The following SMARCA2 variants were observed in gnomAD, a reference collection of about 807,000 sequenced individuals.
SMARCA2 encodes SWI/SNF-related matrix-associated actin-dependent regulator of chromatin subfamily A member 2.
Under a neutral mutation model 199.8 loss-of-function variants are expected in SMARCA2, and 61 were observed. The ratio of observed to expected loss-of-function variants is 0.31; its 90% CI spans 0.25 to 0.38. SMARCA2 has a LOEUF of 0.38. Among genes scored for constraint, SMARCA2 ranks in the 10% least tolerant of loss-of-function variants. The probability of loss-of-function intolerance (pLI) is 1.00; values close to 1 mark genes in which losing one functional copy is unlikely to be tolerated. For missense variants in SMARCA2, 1,344 were observed against 2,012.2 expected, an observed-to-expected ratio of 0.67 and a Z score of 6.35; for synonymous variants, 935 against 732.0, an observed-to-expected ratio of 1.28 and a Z score of -4.48.
chr9:2,096,500 C>T (rs1381081641), intron 19 of SMARCA2, 157 bp from the exon 20 acceptor site: 1 of 597,974 alleles, frequency 1.7e-6, no homozygotes, highest in Non-Finnish European at 3.0e-6. Context: ...ACTCTGGTCT[C>T]TTCTAACACC....
chr9:2,106,035 C>CATGTGACT (rs555298038), intron 23 of SMARCA2, among the ~76,000 whole-genome samples: 15 of 152,320 alleles, frequency 9.8e-5, no homozygotes, highest in African/African-American at 2.2e-4. Flanking sequence ...ATAGTCACAA[C>CATGTGACT]AGCTAACATG....
intron 17 of SMARCA2, among the ~76,000 whole-genome samples, chr9:2,084,885 C>G (rs530813994): frequency 6.6e-6 from 1 of 152,266 alleles, no homozygotes; most frequent in South Asian, 2.1e-4. Context: ...ATCTTGTCTT[C>G]TAATACGTTC....
Position 2,170,414 on chromosome 9 carries a change from C to T in SMARCA2, c.4200-5C>T, listed in dbSNP as rs375293068. The T allele has an allele frequency of 2.4e-5, 39 of 1,613,898 alleles. No individual in the cohort carries two copies. The highest frequency in any genetic ancestry group is 1.6e-4 in the Middle Eastern group (1 of 6,082). ...GACTCTAGTGTTCTTTCTACTCTACCGCAGGTGTAACGTGGAGAAGGTGCC... is the reference window on the plus strand; with the variant it reads ...GACTCTAGTGTTCTTTCTACTCTACTGCAGGTGTAACGTGGAGAAGGTGCC... On this transcript the variant is annotated splice_polypyrimidine_tract_variant and splice_region_variant and intron_variant, in intron 28 of 33. Transcript: ENST00000349721. This position sits in a 1 kb window ranked among gnomAD's most constrained non-coding sequence, Gnocchi z 4.7.
Position 2,078,306 on chromosome 9 carries a change from T to A in SMARCA2, c.2184+530T>A, listed in dbSNP as rs528782728. ...GGCCAACATGGTGAAACCCTCTCTC[T>A]ACTAAAAATACAAAAATTAGCTGGG... On this transcript the variant is annotated intron_variant, in intron 14 of 33. Coordinates refer to ENST00000349721, the MANE Select transcript of SMARCA2 (RefSeq NM_003070.5). 9.2e-5 allele frequency among the ~76,000 whole-genome samples: 14 copies of A among 152,126 alleles called. No individual in the cohort carries two copies. The South Asian group carries it at 2.7e-3, about 29-fold the overall frequency.
chr9:2,177,826 A>T (rs530629036), intron 29 of SMARCA2, among the ~76,000 whole-genome samples: 1 of 152,336 alleles, frequency 6.6e-6, no homozygotes, highest in African/African-American at 2.4e-5. Flanking sequence ...TGCTGGGATT[A>T]CAGGCATGAG....
chr9:2,029,217 C>G lies in SMARCA2; in HGVS notation c.195C>G (p.Phe65Leu), dbSNP rs1818959724. The G allele has an allele frequency of 2.5e-6, 4 of 1,612,740 alleles. No individual in the cohort carries two copies. Among genetic ancestry groups the G allele is most frequent in the East Asian group, 2.2e-5 (1 of 44,876 alleles). Residue 65 changes from phenylalanine to leucine, a missense_variant, in exon 2 of 34, where the codon TTC becomes TTG. Transcript: ENST00000349721. ...TGCCGACGATGGGGTCCACAGACTT[C>G]CCACAGGAAGGCATGCATCAAATGC... ...HPMPTMGSTD[F>L]PQEGMHQMHK...
intron 32 of SMARCA2, among the ~76,000 whole-genome samples, chr9:2,187,836 TGGGAAGCTGAGGTGGCTG>T (rs1370669269): frequency 6.6e-6 from 1 of 152,140 alleles, no homozygotes; most frequent in Non-Finnish European, 1.5e-5. Context: ...CCTAGCACTT[TGGGAAGCTGAGGTGGCTG>T]GATCACTTGA....
chr9:2,131,963 A>G (rs1823981167), intron 27 of SMARCA2, among the ~76,000 whole-genome samples: 1 of 151,928 alleles, frequency 6.6e-6, no homozygotes, highest in Non-Finnish European at 1.5e-5. Context: ...GGAAAAAAAA[A>G]TGACATTTAT....
intron 23 of SMARCA2, among the ~76,000 whole-genome samples, chr9:2,106,012 C>A (rs969650587): frequency 2.0e-5 from 3 of 152,172 alleles, no homozygotes; most frequent in Non-Finnish European, 4.4e-5. Flanking sequence ...TGGCTGCTGT[C>A]CTTTTGTTAG....
chr9:2,054,942 G>A (rs988478495), intron 6 of SMARCA2, among the ~76,000 whole-genome samples: 1 of 152,198 alleles, frequency 6.6e-6, no homozygotes, highest in Non-Finnish European at 1.5e-5. Flanking sequence ...ATGGGAAAGA[G>A]TTTTTCCTCC....
chr9:2,027,806 GTA>G (rs1299463522), intron 1 of SMARCA2: 1 of 152,178 alleles, frequency 6.6e-6, no homozygotes, highest in Non-Finnish European at 1.5e-5. Context: ...ATGTCATTCT[GTA>G]TTTTGTGAGG....
Position 2,123,196 on chromosome 9 carries a change from T to C in SMARCA2, c.3763-523T>C, listed in dbSNP as rs1285332988. Among the ~76,000 whole-genome samples the C allele has an allele frequency of 6.6e-6, 1 of 152,228 alleles. No homozygotes were observed. Among genetic ancestry groups the C allele is most frequent in the Non-Finnish European group, 1.5e-5 (1 of 68,036 alleles). The stretch of plus-strand genomic sequence containing the variant: ...TGAAACCATTTATGTCTCTTCCACA[T>C]GTCCAACTGTGGGTAGCTATTCTGT... On this transcript the variant is annotated intron_variant, in intron 26 of 33. Coordinates refer to ENST00000349721, the MANE Select transcript of SMARCA2 (RefSeq NM_003070.5). The surrounding 1 kb of genome is among the most constrained non-coding windows in gnomAD (Gnocchi z 4.1).
chr9:2,155,393 C>T (rs1403235211), intron 27 of SMARCA2, among the ~76,000 whole-genome samples: 1 of 152,124 alleles, frequency 6.6e-6, no homozygotes, highest in Non-Finnish European at 1.5e-5. Context: ...AGCGATTCTC[C>T]TGCCTCAGCC....
intron 1 of SMARCA2, among the ~76,000 whole-genome samples, chr9:2,027,272 T>A (rs1018509837): frequency 5.3e-5 from 8 of 151,966 alleles, no homozygotes; most frequent in Non-Finnish European, 1.2e-4. Flanking sequence ...TGAGACTCTG[T>A]CTTTACAAAA....
intron 9 of SMARCA2, among the ~76,000 whole-genome samples, chr9:2,063,740 AT>A (rs78255618): frequency 2.0e-5 from 3 of 149,148 alleles, no homozygotes; most frequent in African/African-American, 7.3e-5. Flanking sequence ...CTAGTGTACA[AT>A]TTTTTTTTTT....
chr9:2,070,022 T>G (rs73638375), intron 9 of SMARCA2, among the ~76,000 whole-genome samples: 2,544 of 152,314 alleles, frequency 0.017, 61 homozygotes, highest in African/African-American at 0.056. Context: ...TGTTCTTCAT[T>G]GCTGAAGAAA....
rs1554623478 is a variant in SMARCA2, at chr9:2,084,090, C to T, written c.2420C>T (p.Thr807Ile). 5 of 1,598,304 alleles carry T rather than the reference C, an allele frequency of 3.1e-6. No individual in the cohort carries two copies. The highest frequency in any genetic ancestry group is 3.4e-6 in the Non-Finnish European group (4 of 1,165,818). ...TATTTTTTTCTTTCCATTCAGGGTA[C>T]TCCTGCCATGCGTCGCTCCCTTGTC... ...PSVVKISYKG[T>I]PAMRRSLVPQ... Residue 807 changes from threonine (T) to isoleucine (I), a missense_variant, in exon 17 of 34, where the codon ACT becomes ATT. By Grantham distance (89) the Thr-to-Ile change is moderately conservative. Around this residue, in one of 18 missense-constraint regions of SMARCA2, gnomAD observed 50 missense variants for 81.6 expected, o/e 0.61. Coordinates refer to ENST00000349721, the MANE Select transcript of SMARCA2 (RefSeq NM_003070.5).
intron 22 of SMARCA2, among the ~76,000 whole-genome samples, chr9:2,102,961 G>A (rs75117123): frequency 1.5e-5 from 2 of 137,582 alleles, no homozygotes; most frequent in Non-Finnish European, 3.2e-5. Context: ...CATGCTCCCT[G>A]TTTTTTTTTT....
At chr9:2,113,085 A>G (rs544552688) in intron 24 of SMARCA2, among the ~76,000 whole-genome samples, 1 of 152,340 alleles carries the variant, frequency 6.6e-6, no homozygotes. Flanking sequence ...TATCAGGTTA[A>G]TTTTAGCATG....
Sources: gnomAD v4.1 joint callset for allele counts (sites outside exome capture counted in the v4.1 genomes callset) on GRCh38, gnomAD v4.1.1 for gene constraint, gnomAD v4.1.1 regional missense constraint, Gnocchi (gnomAD v3.1) non-coding constraint, MANE v1.5 for transcripts, NCBI Gene and HGNC (gene_info 2026-07-23, HGNC 2026-07-21) for gene names.